The following MIS18A variants were observed in gnomAD, a reference collection of about 807,000 sequenced individuals.
MIS18A encodes the protein protein Mis18-alpha.
In MIS18A, 14 loss-of-function variants were observed where a neutral mutation model predicts 25.0. That is an observed-to-expected ratio of 0.56 (90% CI 0.37 to 0.88). The LOEUF is 0.88. MIS18A is among the 40% of genes least tolerant of loss of function. The pLI is 0.00. For missense variants in MIS18A, 292 were observed against 290.8 expected, an observed-to-expected ratio of 1.00 and a Z score of -0.03; for synonymous variants, 134 against 118.6, an observed-to-expected ratio of 1.13 and a Z score of -0.84.
the MIS18A span, among the ~76,000 whole-genome samples, chr21:32,208,400 T>C: frequency 6.6e-6 from 1 of 152,090 alleles, no homozygotes; most frequent in Non-Finnish European, 1.5e-5. Context: ...TGTTTAAAAA[T>C]ATGAGACCTC....
chr21:32,235,584 C>A, the MIS18A span, among the ~76,000 whole-genome samples: 1 of 152,152 alleles, frequency 6.6e-6, no homozygotes, highest in Admixed American at 6.5e-5. Context: ...GACATCTCTA[C>A]TAGGAAAAAT....
the MIS18A span, among the ~76,000 whole-genome samples, chr21:32,242,570 C>T: frequency 3.3e-5 from 5 of 152,056 alleles, no homozygotes; most frequent in Non-Finnish European, 5.9e-5. Flanking sequence ...GTAAAATGGT[C>T]ACTCTGTGAT....
At chr21:32,198,487 C>A in the MIS18A span, among the ~76,000 whole-genome samples, 1 of 152,228 alleles carries the variant, frequency 6.6e-6, no homozygotes, top group South Asian at 2.1e-4. Context: ...GAGCTGGGAC[C>A]TGTTAGTGCA....
chr21:32,189,130 C>T, the MIS18A span, among the ~76,000 whole-genome samples: 1 of 142 alleles, frequency 7.0e-3, no homozygotes, highest in African/African-American at 0.036. Flanking sequence ...AGGCGGTGTG[C>T]GGACACCGCC....
chr21:32,157,324 T>C, the MIS18A span, among the ~76,000 whole-genome samples: 145,433 of 145,456 alleles, frequency 1, 72,705 homozygotes, highest in Middle Eastern at 1. Flanking sequence ...CTTCCTCAGC[T>C]TCCCAAAGTG....
At chr21:32,175,944 C>T in the MIS18A span, among the ~76,000 whole-genome samples, 1 of 152,130 alleles carries the variant, frequency 6.6e-6, no homozygotes, top group African/African-American at 2.4e-5. Flanking sequence ...AACTAAGACA[C>T]AAACACATAC....
the MIS18A span, among the ~76,000 whole-genome samples, chr21:32,157,943 GT>G: frequency 2.3e-3 from 354 of 152,282 alleles, 2 homozygotes; most frequent in African/African-American, 7.7e-3. Context: ...TTACTGGAGA[GT>G]TTTGAGATTA....
chr21:32,207,129 G>A, the MIS18A span, among the ~76,000 whole-genome samples: 290 of 152,244 alleles, frequency 1.9e-3, 3 homozygotes, highest in African/African-American at 6.8e-3. Flanking sequence ...TTCTATCTTG[G>A]GAACTCAGGA....
the MIS18A span, among the ~76,000 whole-genome samples, chr21:32,249,272 G>A: frequency 6.6e-6 from 1 of 152,144 alleles, no homozygotes; most frequent in Non-Finnish European, 1.5e-5. Context: ...GTGAGTGTGG[G>A]GGTGCTTTTC....
the MIS18A span, among the ~76,000 whole-genome samples, chr21:32,187,605 A>G: frequency 6.6e-6 from 1 of 152,136 alleles, no homozygotes; most frequent in Non-Finnish European, 1.5e-5. Context: ...TGTTCTAGGG[A>G]TGTTAGTCCA....
the MIS18A span, among the ~76,000 whole-genome samples, chr21:32,203,613 C>CTTT: frequency 1.8e-3 from 152 of 85,356 alleles, 1 homozygote; most frequent in Middle Eastern, 9.8e-3. Flanking sequence ...TTTTTAAATG[C>CTTT]TTTTTTTTTT....
downstream of MIS18A, among the ~76,000 whole-genome samples, chr21:32,263,807 CT>C (rs60800890): frequency 0.011 from 1,277 of 121,046 alleles, 10 homozygotes; most frequent in African/African-American, 0.024. Context: ...GGGAAGCCTT[CT>C]TTTTTTTTTT....
the MIS18A span, among the ~76,000 whole-genome samples, chr21:32,262,179 T>C: frequency 6.6e-6 from 1 of 152,138 alleles, no homozygotes; most frequent in African/African-American, 2.4e-5. Flanking sequence ...GAGGGTTCTG[T>C]GAGAATGAGG....
the MIS18A span, among the ~76,000 whole-genome samples, chr21:32,167,149 T>C: frequency 1.3e-5 from 2 of 152,218 alleles, no homozygotes; most frequent in Non-Finnish European, 2.9e-5. Context: ...CCTGACTGTA[T>C]TGAGATGTTC....
At chr21:32,196,504 A>C in the MIS18A span, among the ~76,000 whole-genome samples, 6 of 142,198 alleles carry the variant, frequency 4.2e-5, no homozygotes, top group Admixed American at 3.0e-4. Flanking sequence ...TCTGTTGCCC[A>C]GGCTGGAGTG....
chr21:32,185,443 C>A, the MIS18A span, among the ~76,000 whole-genome samples: 4 of 152,150 alleles, frequency 2.6e-5, no homozygotes, highest in African/African-American at 9.7e-5. Context: ...ATGGGGAGGT[C>A]TGTGGTGCTC....
chr21:32,159,207 T>C, the MIS18A span, among the ~76,000 whole-genome samples: 4 of 152,210 alleles, frequency 2.6e-5, no homozygotes, highest in Non-Finnish European at 5.9e-5. Flanking sequence ...AGGTCCTAAA[T>C]TATGACAACT....
chr21:32,195,714 TGCCTCAAAATTCTA>T, the MIS18A span, among the ~76,000 whole-genome samples: 1 of 152,124 alleles, frequency 6.6e-6, no homozygotes, highest in African/African-American at 2.4e-5. Flanking sequence ...GGGAAGCAGG[TGCCTCAAAATTCTA>T]GTCTATCTGG....
chr21:32,173,605 G>C, the MIS18A span, among the ~76,000 whole-genome samples: 1 of 152,108 alleles, frequency 6.6e-6, no homozygotes, highest in East Asian at 1.9e-4. Flanking sequence ...AATGTGATTT[G>C]GCAGTAAAAT....
Sources: allele counts gnomAD v4.1 joint callset (sites outside exome capture counted in the v4.1 genomes callset), GRCh38; gene constraint gnomAD v4.1.1; transcripts MANE v1.5; gene names NCBI Gene and HGNC (gene_info 2026-07-23, HGNC 2026-07-21).